Variants in ENPP3 observed in about 807,000 individuals in gnomAD.
ENPP3 encodes the protein ectonucleotide pyrophosphatase/phosphodiesterase 3, also known as ectonucleotide pyrophosphatase/phosphodiesterase family member 3.
A neutral mutation model predicts 117.8 loss-of-function variants in ENPP3; 104 were observed. That is an observed-to-expected ratio of 0.88 (90% confidence interval 0.75 to 1.04). The LOEUF is 1.04. Ranked by LOEUF, ENPP3 falls within the 50% of genes least tolerant of loss-of-function variation. The pLI is 0.00. For synonymous variants in ENPP3, 380 were observed against 349.9 expected, an observed-to-expected ratio of 1.09 and a Z score of -0.96; for missense variants, 1,026 against 1,051.9, an observed-to-expected ratio of 0.98 and a Z score of 0.34.
intron 2 of ENPP3, among the ~76,000 whole-genome samples, chr6:131,648,123 C>T (rs1180290368): frequency 2.0e-5 from 3 of 151,544 alleles, no homozygotes; most frequent in Non-Finnish European, 4.4e-5. Context: ...AAAAAATGAT[C>T]ATATTTTTCT....
intron 12 of ENPP3, among the ~76,000 whole-genome samples, chr6:131,684,028 G>A (rs1334747939): frequency 1.3e-5 from 2 of 152,094 alleles, no homozygotes; most frequent in Non-Finnish European, 2.9e-5. Flanking sequence ...TGGGATTACA[G>A]GAGTGCGCCA....
chr6:131,644,332 G>A (rs1045162584), intron 2 of ENPP3, among the ~76,000 whole-genome samples: 2 of 152,190 alleles, frequency 1.3e-5, no homozygotes, highest in Non-Finnish European at 2.9e-5. Flanking sequence ...GCTGTGTTAT[G>A]AATAGATAGT....
At chr6:131,687,102 A>C (rs1175548564) in intron 14 of ENPP3, among the ~76,000 whole-genome samples, 1 of 152,208 alleles carries the variant, frequency 6.6e-6, no homozygotes, top group Non-Finnish European at 1.5e-5. Flanking sequence ...ACTGCTTTCC[A>C]CAGTGGCTGG....
intron 24 of ENPP3, among the ~76,000 whole-genome samples, chr6:131,742,307 C>T (rs147095878): frequency 7.3e-4 from 111 of 152,112 alleles, no homozygotes; most frequent in African/African-American, 2.6e-3. Flanking sequence ...ATGACTGATA[C>T]GATGTGGTAC....
chr6:131,726,703 C>T (rs1443222704), intron 20 of ENPP3, among the ~76,000 whole-genome samples: 1 of 134,296 alleles, frequency 7.4e-6, no homozygotes, highest in Non-Finnish European at 1.5e-5. Flanking sequence ...TCAGACTAGA[C>T]TTACATGGGA....
intron 14 of ENPP3, among the ~76,000 whole-genome samples, chr6:131,686,898 T>C (rs993925174): frequency 6.6e-6 from 1 of 152,236 alleles, no homozygotes; most frequent in Admixed American, 6.5e-5. Context: ...CCACATTTTC[T>C]TTATCCAATA....
chr6:131,687,000 A>G (rs1196319946), intron 14 of ENPP3, among the ~76,000 whole-genome samples: 1 of 152,128 alleles, frequency 6.6e-6, no homozygotes, highest in East Asian at 1.9e-4. Context: ...TTTTTGGTAG[A>G]ATGTTTTATT....
chr6:131,707,360 T>A (rs1475582954), intron 15 of ENPP3, among the ~76,000 whole-genome samples: 1 of 77,988 alleles, frequency 1.3e-5, no homozygotes, highest in Non-Finnish European at 2.1e-5. Flanking sequence ...TAAATTTTAT[T>A]AATCTTTTAA....
chr6:131,722,473 C>T (rs1780057555), intron 18 of ENPP3, 68 bp downstream of exon 18: 1 of 1,298,276 alleles, frequency 7.7e-7, no homozygotes, highest in Non-Finnish European at 1.1e-6. Flanking sequence ...GGGTAGCTGA[C>T]AACTGGGGTA....
chr6:131,676,043 A>G (rs1778861415), intron 9 of ENPP3, among the ~76,000 whole-genome samples: 2 of 151,980 alleles, frequency 1.3e-5, no homozygotes, highest in South Asian at 2.1e-4. Context: ...TCGTTGGTGG[A>G]CTTCAACATG....
At chr6:131,644,015 T>C (rs1048847064) in intron 2 of ENPP3, among the ~76,000 whole-genome samples, 1 of 150,298 alleles carries the variant, frequency 6.7e-6, no homozygotes, top group East Asian at 2.0e-4. Context: ...GACAGAAACA[T>C]AGGGATAGGT....
chr6:131,689,757 A>G (rs892839303), intron 14 of ENPP3, among the ~76,000 whole-genome samples: 3 of 152,240 alleles, frequency 2.0e-5, no homozygotes, highest in Non-Finnish European at 4.4e-5. Context: ...TGATCTGAGC[A>G]AAGTATTATA....
At chr6:131,671,445 G>T in intron 7 of ENPP3, 118 bp downstream of exon 7, 1 of 684,254 alleles carries the variant, frequency 1.5e-6, no homozygotes, top group Non-Finnish European at 2.6e-6. Context: ...CACATGGGGG[G>T]ATAGTTCATG....
intron 1 of ENPP3, 131 bp from the exon 2 acceptor site, chr6:131,641,324 T>G: frequency 4.0e-6 from 2 of 506,206 alleles, no homozygotes; most frequent in Non-Finnish European, 7.2e-6. Context: ...TACTAGATCA[T>G]TGTTGGATCT....
At position 131,652,541 on chromosome 6, in the gene ENPP3, G is replaced by C; in HGVS notation, c.278-1G>C. The C allele has an allele frequency of 1.2e-6, 2 of 1,613,968 alleles. No individual in the cohort carries two copies. Among genetic ancestry groups the C allele is most frequent in the East Asian group, 2.2e-5 (1 of 44,872 alleles). ...CAGAACTGAATTGTATCGTTTTACA[G>C]CTCGAATATGGATGTGCAATAAATT... On this transcript the variant is annotated splice_acceptor_variant, in intron 3 of 24. Transcript: ENST00000357639. LOFTEE classifies it high-confidence loss of function.
chr6:131,745,236 A>G (rs1486748481), intron 24 of ENPP3, among the ~76,000 whole-genome samples: 3 of 152,048 alleles, frequency 2.0e-5, no homozygotes, highest in Non-Finnish European at 4.4e-5. Context: ...TTAGATTCCC[A>G]TTGAAAGAAA....
At chr6:131,736,953 T>C (rs1780409759) in intron 21 of ENPP3, among the ~76,000 whole-genome samples, 1 of 152,152 alleles carries the variant, frequency 6.6e-6, no homozygotes, top group Non-Finnish European at 1.5e-5. Flanking sequence ...CTCAAACCTC[T>C]GCCTCCATCT....
At chr6:131,732,620 A>G (rs1780305380) in intron 20 of ENPP3, among the ~76,000 whole-genome samples, 1 of 149,208 alleles carries the variant, frequency 6.7e-6, no homozygotes, top group Non-Finnish European at 1.5e-5. Flanking sequence ...ACTATGTTGA[A>G]CCTCGGACTC....
intron 20 of ENPP3, among the ~76,000 whole-genome samples, chr6:131,731,155 A>G (rs1780271477): frequency 6.6e-6 from 1 of 151,956 alleles, no homozygotes; most frequent in African/African-American, 2.4e-5. Flanking sequence ...TGCCATATAT[A>G]CTCTCAGCTC....
Sources: gnomAD v4.1 joint callset for allele counts (sites outside exome capture counted in the v4.1 genomes callset) on GRCh38, gnomAD v4.1.1 for gene constraint, MANE v1.5 for transcripts, NCBI Gene and HGNC (gene_info 2026-07-23, HGNC 2026-07-21) for gene names.